Variants in CILP2 observed in about 807,000 individuals in gnomAD.
CILP2 encodes the protein cartilage intermediate layer protein 2.
Under a neutral mutation model 45.6 loss-of-function variants are expected in CILP2, and 38 were observed. The observed-to-expected ratio is 0.83, with a 90% CI of 0.64 to 1.09. The LOEUF (loss-of-function observed/expected upper bound fraction) is 1.09, where lower values mean the gene tolerates loss of function less well. Among genes scored for constraint, CILP2 ranks in the 50% least tolerant of loss-of-function variants. The pLI is 0.00. For synonymous variants in CILP2, 780 were observed against 723.5 expected (o/e 1.08, Z -1.25); for missense variants, 1,735 against 1,662.2 (o/e 1.04, Z -0.76).
At position 19,541,154 on chromosome 19, in the gene CILP2, G is replaced by C; in HGVS notation, c.500G>C (p.Arg167Pro). The C allele has an allele frequency of 1.6e-6, 2 of 1,257,408 alleles. No individual in the cohort carries two copies. Among genetic ancestry groups the C allele is most frequent in the Non-Finnish European group, 2.0e-6 (2 of 1,000,692 alleles). The allele number at this position is 1,257,408 out of a possible 1,614,324, so 77.9% of individuals were successfully genotyped here. The change falls in exon 4 of 8, where the codon CGC (arginine) becomes CCC (proline). Residue 167 changes from arginine to proline, a missense_variant. Coordinates refer to ENST00000291495, the MANE Select transcript of CILP2 (RefSeq NM_153221.2). ...PCSGSCGPGRRLRRRHCPSPA... is the reference protein window; with the variant it reads ...PCSGSCGPGRPLRRRHCPSPA... Reference sequence around the variant, plus strand: ...TCGGGGAGCTGTGGGCCAGGCCGTCGCTTGCGCCGCCGCCACTGCCCAAGC... The same window carrying C: ...TCGGGGAGCTGTGGGCCAGGCCGTCCCTTGCGCCGCCGCCACTGCCCAAGC...
chr19:19,540,243 C>G lies in CILP2; in HGVS notation c.203C>G (p.Pro68Arg). The change falls in exon 3 of 8, where the codon CCC (proline) becomes CGC (arginine). Residue 68 changes from proline to arginine, a missense_variant. Physicochemically the swap from Pro to Arg is moderately radical, Grantham distance 103. Coordinates refer to ENST00000291495, the MANE Select transcript of CILP2 (RefSeq NM_153221.2). The part of the protein sequence containing the change: ...EWTSWFNVDH[P>R]GGDGDFESLA... ...ACGTCCTGGTTCAACGTGGACCACC[C>G]CGGAGGCGACGGCGACTTCGAGAGC... The G allele has an allele frequency of 6.2e-7, 1 of 1,603,236 alleles. No individual in the cohort carries two copies. The highest frequency in any genetic ancestry group is 8.5e-7 in the Non-Finnish European group (1 of 1,177,532).
Position 19,545,651 on chromosome 19 carries a change from C to A in CILP2, c.3106C>A (p.Pro1036Thr). The change falls in exon 8 of 8, where the codon CCA becomes ACA. Residue 1036 changes from proline to threonine, a missense_variant. Transcript: ENST00000291495. ...TCGGGATTACCTGACCCGGCACCCC[C>A]CACCGGTGCCCGCGGAGGACCCAGC... ...LLRDYLTRHPPPVPAEDPAAF... is the reference protein window; with the variant it reads ...LLRDYLTRHPTPVPAEDPAAF... 6.2e-7 allele frequency: 1 copy of A among 1,609,254 alleles called. No homozygotes were observed. Among genetic ancestry groups the A allele is most frequent in the South Asian group, 1.1e-5 (1 of 90,572 alleles).
rs2061250875 is a variant in CILP2 at position 19,543,251 on chromosome 19, C to G, written c.981C>G (p.Phe327Leu). 1.2e-6 allele frequency: 2 copies of G among 1,612,582 alleles called. No homozygotes were observed. Among genetic ancestry groups the G allele is most frequent in the African/African-American group, 2.7e-5 (2 of 74,888 alleles). Residue 327 changes from phenylalanine to leucine, a missense_variant, in exon 7 of 8, where the codon TTC (phenylalanine) becomes TTG (leucine). By Grantham distance (22) the Phe-to-Leu change is conservative. Transcript: ENST00000291495. ...GTGTCGCTCACCTGCCATCCAGGTTCCACAATGGGACCCTGCTGGACAGGC... is the reference window on the plus strand; with the variant it reads ...GTGTCGCTCACCTGCCATCCAGGTTGCACAATGGGACCCTGCTGGACAGGC... ...GTPMPKKYSW[F>L]HNGTLLDRRA...
chr19:19,541,159 C>T lies in CILP2; in HGVS notation c.505C>T (p.Arg169Cys). The T allele has an allele frequency of 8.0e-7, 1 of 1,256,540 alleles. No homozygotes were observed. The highest frequency in any genetic ancestry group is 1.0e-6 in the Non-Finnish European group (1 of 1,000,240). The allele number at this position is 1,256,540 out of a possible 1,614,324, so 77.8% of individuals were successfully genotyped here. The change falls in exon 4 of 8, where the codon CGC becomes TGC. Residue 169 changes from arginine to cysteine, a missense_variant. Arg to Cys is a radical substitution (Grantham distance 180). Transcript: ENST00000291495. The part of the protein sequence containing the change: ...SGSCGPGRRL[R>C]RRHCPSPAGD... ...GAGCTGTGGGCCAGGCCGTCGCTTG[C>T]GCCGCCGCCACTGCCCAAGCCCCGC...
intron 3 of CILP2, 131 bp downstream of exon 3, chr19:19,540,607 G>A (rs2061239967): frequency 4.5e-6 from 5 of 1,106,920 alleles, no homozygotes; most frequent in Non-Finnish European, 6.0e-6. Flanking sequence ...GGAAGAGCCG[G>A]GGGACCCTTA....
Position 19,541,504 on chromosome 19 carries a change from C to T in CILP2, c.592+258C>T, listed in dbSNP as rs1044247598. On this transcript the variant is annotated intron_variant, in intron 4 of 7. Transcript: ENST00000291495. Reference sequence around the variant, plus strand: ...GGAGCCAGGTGGAGACCAGCCCTTCCTTCCCTCCTGGGCCCAAGGAGCACT... The same window carrying T: ...GGAGCCAGGTGGAGACCAGCCCTTCTTTCCCTCCTGGGCCCAAGGAGCACT... 9.9e-5 allele frequency among the ~76,000 whole-genome samples: 15 copies of T among 152,188 alleles called. 1 individual carries two copies. The highest frequency in any genetic ancestry group is 9.8e-4 in the Admixed American group (15 of 15,288).
In CILP2 at chr19:19,545,395, G is replaced by C; in HGVS notation, c.2850G>C (p.Glu950Asp). The C allele has an allele frequency of 6.2e-7, 1 of 1,612,732 alleles. No homozygotes were observed. The highest frequency in any genetic ancestry group is 8.5e-7 in the Non-Finnish European group (1 of 1,179,848). ...FLKVKIQGPQEYMVRSHNAGG... is the reference protein window; with the variant it reads ...FLKVKIQGPQDYMVRSHNAGG... ...AGGTGAAGATCCAGGGTCCCCAGGAGTATATGGTCCGCTCCCACAACGCAG... is the reference window on the plus strand; with the variant it reads ...AGGTGAAGATCCAGGGTCCCCAGGACTATATGGTCCGCTCCCACAACGCAG... The change falls in exon 8 of 8, where the codon GAG becomes GAC. Residue 950 changes from glutamate to aspartate, a missense_variant. Physicochemically the swap from Glu to Asp is conservative, Grantham distance 45 (BLOSUM62 2). Transcript: ENST00000291495.
chr19:19,538,271 A>G lies in CILP2; in HGVS notation c.-79A>G. 1 of 1,371,180 alleles carries G rather than the reference A, an allele frequency of 7.3e-7. No individual in the cohort carries two copies. 84.9% of individuals were successfully genotyped at this position (1,371,180 alleles called of 1,614,324 possible). On this transcript the variant is annotated 5_prime_UTR_variant, in exon 1 of 8. Coordinates refer to ENST00000291495, the MANE Select transcript of CILP2 (RefSeq NM_153221.2). Reference sequence around the variant, plus strand: ...GCATCCCGCCCCCACTCTCAGTCCCAGCGGCCGCCAGACCCGCCGGAGTTG... The same window carrying G: ...GCATCCCGCCCCCACTCTCAGTCCCGGCGGCCGCCAGACCCGCCGGAGTTG...
At position 19,539,579 on chromosome 19, in the gene CILP2, A is replaced by AGG. The variant is rs1568368527; in HGVS notation, c.65-100_65-99insGG. 3,058 of 652,466 alleles carry AGG rather than the reference A, an allele frequency of 4.7e-3. 88 individuals carry two copies. The African/African-American group carries it at 0.052, about 11-fold the overall frequency. 40.4% of individuals were successfully genotyped at this position (652,466 alleles called of 1,614,324 possible). On this transcript the variant is annotated intron_variant, in intron 1 of 7. Coordinates refer to ENST00000291495, the MANE Select transcript of CILP2 (RefSeq NM_153221.2). ...ATTCCGTCTCAAAAAAAAAAAAAAA[A>AGG]AGGGGGGGGATGATCGTGGCTGCAC... is the stretch of plus-strand genomic sequence containing the variant.
rs149052951 is a variant in CILP2 at position 19,544,496 on chromosome 19, G to A, written c.1951G>A (p.Gly651Ser). Reference sequence around the variant, plus strand: ...GTTCTCCGTGGACCTCCGTGCGCCCGGCTCCGCGGAGCAGCTGCAGGTGGG... The same window carrying A: ...GTTCTCCGTGGACCTCCGTGCGCCCAGCTCCGCGGAGCAGCTGCAGGTGGG... ...GMFSVDLRAP[G>S]SAEQLQVGPV... The change falls in exon 8 of 8, where the codon GGC becomes AGC. Residue 651 changes from glycine (G) to serine (S), a missense_variant. Physicochemically the swap from Gly to Ser is moderately conservative, Grantham distance 56. Coordinates refer to ENST00000291495, the MANE Select transcript of CILP2 (RefSeq NM_153221.2). 101 of 1,603,402 alleles carry A rather than the reference G, an allele frequency of 6.3e-5. No individual in the cohort carries two copies. The African/African-American group carries it at 1.3e-3, about 21-fold the overall frequency.
Position 19,540,073 on chromosome 19 carries a change from CG to C in CILP2, c.164-128del. The C allele has an allele frequency of 2.4e-6, 3 of 1,268,392 alleles. No individual in the cohort carries two copies. In the South Asian group the frequency reaches 4.9e-5, roughly 21 times the overall value. The allele number at this position is 1,268,392 out of a possible 1,614,324, so 78.6% of individuals were successfully genotyped here. ...CTGCACCTGTTTCAGGCCGCTGGCTCGGGTCGTGGGCGCGCTCGGCTAGCCG... is the reference window on the plus strand; with the variant it reads ...CTGCACCTGTTTCAGGCCGCTGGCTCGGTCGTGGGCGCGCTCGGCTAGCCG... On this transcript the variant is annotated intron_variant, in intron 2 of 7. Transcript: ENST00000291495.
chr19:19,543,552 C>T (rs951803506), intron 7 of CILP2, 129 bp from the exon 8 acceptor site: 21 of 1,340,890 alleles, frequency 1.6e-5, no homozygotes, highest in Non-Finnish European at 2.1e-5. Context: ...TGAGCACCAA[C>T]CTTCAGTCCT....
chr19:19,539,580 A>AAAGGG (rs61235376), intron 1 of CILP2, 99 bp from the exon 2 acceptor site: 1,722 of 550,646 alleles, frequency 3.1e-3, no homozygotes, highest in Middle Eastern at 8.4e-3. Flanking sequence ...AAAAAAAAAA[A>AAAGGG]GGGGGGGGAT....
intron 4 of CILP2, 72 bp from the exon 5 acceptor site, chr19:19,542,299 CTGAT>C: frequency 4.0e-6 from 6 of 1,509,598 alleles, no homozygotes; most frequent in South Asian, 3.8e-5. Context: ...TGTTGAGTGA[CTGAT>C]TGAATGGAAA....
In CILP2 at chr19:19,540,495, G is replaced by A. The variant is rs2144675901; in HGVS notation, c.436+19G>A. 4 of 1,380,874 alleles carry A rather than the reference G, an allele frequency of 2.9e-6. No individual in the cohort carries two copies. Among genetic ancestry groups the A allele is most frequent in the Non-Finnish European group, 3.7e-6 (4 of 1,070,514 alleles). The allele number at this position is 1,380,874 out of a possible 1,614,324, so 85.5% of individuals were successfully genotyped here. ...CCACTAGGTGAGGGCGGGGCTGGAT[G>A]ACGGGGGCGGGGCTTTGAATGGGCG... On this transcript the variant is annotated intron_variant, in intron 3 of 7. Coordinates refer to ENST00000291495, the MANE Select transcript of CILP2 (RefSeq NM_153221.2).
chr19:19,546,026 G>A lies in CILP2; in HGVS notation c.*10G>A. Reference sequence around the variant, plus strand: ...TAGGGTCCGGCAGTGACCTGGGCAGGGGCCTCGCTTTCCCACCTCCCTCCA... The same window carrying A: ...TAGGGTCCGGCAGTGACCTGGGCAGAGGCCTCGCTTTCCCACCTCCCTCCA... On this transcript the variant is annotated 3_prime_UTR_variant, in exon 8 of 8. Coordinates refer to ENST00000291495, the MANE Select transcript of CILP2 (RefSeq NM_153221.2). 6 of 1,446,746 alleles carry A rather than the reference G, an allele frequency of 4.1e-6. No homozygotes were observed. Among genetic ancestry groups the A allele is most frequent in the Non-Finnish European group, 4.5e-6 (5 of 1,102,540 alleles). 89.6% of individuals were successfully genotyped at this position (1,446,746 alleles called of 1,614,324 possible). A position where few individuals can be genotyped will look rare whatever the true frequency, so the allele number is the denominator to read the frequency against.
At position 19,540,440 on chromosome 19, in the gene CILP2, T is replaced by A; in HGVS notation, c.400T>A (p.Cys134Ser). The A allele has an allele frequency of 2.0e-6, 3 of 1,466,614 alleles. No homozygotes were observed. In the South Asian group the frequency reaches 4.1e-5, roughly 20 times the overall value. The allele number at this position is 1,466,614 out of a possible 1,614,324, so 90.9% of individuals were successfully genotyped here. ...CCGCGAGCAACCGCGTGGCCGCCGC[T>A]GCTCCAACTACCACGTGCGCTTCCG... ...LNREQPRGRR[C>S]SNYHVRFRCP... Residue 134 changes from cysteine (C) to serine (S), a missense_variant, in exon 3 of 8, where the codon TGC (cysteine) becomes AGC (serine). Transcript: ENST00000291495.
chr19:19,539,824 G>A (rs750744292), intron 2 of CILP2, 47 bp downstream of exon 2: 1 of 1,475,752 alleles, frequency 6.8e-7, no homozygotes, highest in East Asian at 2.5e-5. Flanking sequence ...GGGCTTGTTG[G>A]GGGTGGGGCT....
rs1184293370 is a variant in CILP2, at chr19:19,545,533, C to T, written c.2988C>T (p.Ser996=). The T allele has an allele frequency of 4.3e-6, 7 of 1,612,520 alleles. No homozygotes were observed. Among genetic ancestry groups the T allele is most frequent in the Non-Finnish European group, 5.9e-6 (7 of 1,179,778 alleles). ...CAGCCTGCGTGGAGTTCAAGTGCAG[C>T]GGGATGCTGTTCGACCAGCGGCAGG... ...TSAACVEFKC[S]GMLFDQRQVD... The change falls in exon 8 of 8, where the codon AGC becomes AGT. Residue 996 remains serine, a synonymous_variant. Transcript: ENST00000291495.
Sources: allele counts gnomAD v4.1 joint callset (sites outside exome capture counted in the v4.1 genomes callset), GRCh38; gene constraint gnomAD v4.1.1; transcripts MANE v1.5; gene names NCBI Gene and HGNC (gene_info 2026-07-23, HGNC 2026-07-21).